The following COX10 variants were observed in gnomAD, a reference collection of about 807,000 sequenced individuals.
The protein encoded by COX10 is protoheme IX farnesyltransferase, mitochondrial.
A neutral mutation model predicts 37.3 loss-of-function variants in COX10; 27 were observed. The ratio of observed to expected loss-of-function variants is 0.72; its 90% CI spans 0.53 to 1.00. The LOEUF is 1.00. COX10 is among the 50% of genes least tolerant of loss of function. COX10 has a pLI of 0.00. For missense variants in COX10, 475 were observed against 563.2 expected (o/e 0.84, Z 1.59); for synonymous variants, 222 against 229.1 (o/e 0.97, Z 0.28).
chr17:14,101,195 A>T (rs887167204), intron 3 of COX10, among the ~76,000 whole-genome samples: 17 of 152,192 alleles, frequency 1.1e-4, no homozygotes, highest in Admixed American at 1.3e-4. Flanking sequence ...TTGGTTGAAG[A>T]ATCTAGGTAG....
chr17:14,076,830 A>T lies in COX10; in HGVS notation c.273A>T (p.Gln91His), dbSNP rs757788008. The T allele has an allele frequency of 1.2e-6, 2 of 1,614,210 alleles. No homozygotes were observed. The highest frequency in any genetic ancestry group is 2.2e-5 in the South Asian group (2 of 91,080). ...TCCTTGAAAAAACATCTTCAGGTCAAGCCAAAGCAGAAATATATGAGATGA... is the reference window on the plus strand; with the variant it reads ...TCCTTGAAAAAACATCTTCAGGTCATGCCAAAGCAGAAATATATGAGATGA... Reference protein sequence around the residue: ...SPFLEKTSSGQAKAEIYEMRP... With the variant: ...SPFLEKTSSGHAKAEIYEMRP... Residue 91 changes from glutamine (Q) to histidine (H), a missense_variant, in exon 3 of 7, where the codon CAA (glutamine) becomes CAT (histidine). This residue lies in a region of COX10 where 242 missense variants were observed against 242.5 expected (regional missense o/e 1.00). Coordinates refer to ENST00000261643, the MANE Select transcript of COX10 (RefSeq NM_001303.4).
At chr17:14,166,674 C>T (rs954512916) in intron 5 of COX10, among the ~76,000 whole-genome samples, 2 of 141,958 alleles carry the variant, frequency 1.4e-5, no homozygotes, top group Admixed American at 7.4e-5. Flanking sequence ...TACGGTGGTG[C>T]GATCTCAGCT....
At position 14,069,550 on chromosome 17, in the gene COX10, T is replaced by C; in HGVS notation, c.-56T>C. The C allele has an allele frequency of 6.2e-7, 1 of 1,606,388 alleles. No homozygotes were observed. Among genetic ancestry groups the C allele is most frequent in the Non-Finnish European group, 8.5e-7 (1 of 1,174,816 alleles). ...GGAAGGAAGATGGCGGCGCCCAGCGTCCCGTGAGGAGAGAGGACACAGGGA... is the reference window on the plus strand; with the variant it reads ...GGAAGGAAGATGGCGGCGCCCAGCGCCCCGTGAGGAGAGAGGACACAGGGA... On this transcript the variant is annotated 5_prime_UTR_variant, in exon 1 of 7. Coordinates refer to ENST00000261643, the MANE Select transcript of COX10 (RefSeq NM_001303.4).
intron 4 of COX10, among the ~76,000 whole-genome samples, chr17:14,158,788 G>T (rs1231972784): frequency 1.3e-5 from 2 of 152,106 alleles, no homozygotes; most frequent in East Asian, 3.9e-4. Flanking sequence ...AGCATCTCCG[G>T]GGATGGTAAG....
At chr17:14,149,940 A>G (rs1904840517) in intron 4 of COX10, among the ~76,000 whole-genome samples, 3 of 152,116 alleles carry the variant, frequency 2.0e-5, no homozygotes, top group Non-Finnish European at 2.9e-5. Flanking sequence ...ACTGATTGGG[A>G]AGGGAGATGG....
chr17:14,082,824 G>C (rs1343626648), intron 3 of COX10, among the ~76,000 whole-genome samples: 1 of 152,186 alleles, frequency 6.6e-6, no homozygotes, highest in Non-Finnish European at 1.5e-5. Context: ...CAGTGATTCA[G>C]TTCCCCTAGG....
intron 4 of COX10, among the ~76,000 whole-genome samples, chr17:14,120,472 A>G (rs1365419305): frequency 2.0e-5 from 3 of 152,202 alleles, no homozygotes; most frequent in African/African-American, 7.2e-5. Flanking sequence ...AACGGAGGGC[A>G]TATTTCAAGG....
chr17:14,069,718 T>C, intron 1 of COX10, 70 bp downstream of exon 1: 1 of 1,593,274 alleles, frequency 6.3e-7, no homozygotes, highest in Non-Finnish European at 8.6e-7. Flanking sequence ...AGGCCGTGGT[T>C]CCGGCTGGCT....
intron 3 of COX10, among the ~76,000 whole-genome samples, chr17:14,086,488 G>A (rs562349325): frequency 1.1e-4 from 17 of 152,086 alleles, no homozygotes; most frequent in African/African-American, 3.4e-4. Context: ...ATGTTTATTC[G>A]GGGATGAATT....
intron 4 of COX10, among the ~76,000 whole-genome samples, chr17:14,105,277 T>C (rs1458002436): frequency 6.6e-6 from 1 of 152,152 alleles, no homozygotes; most frequent in Non-Finnish European, 1.5e-5. Context: ...TTTATGGATA[T>C]GCCTCAACTT....
chr17:14,140,245 A>T (rs1443656896), intron 4 of COX10, among the ~76,000 whole-genome samples: 1 of 152,116 alleles, frequency 6.6e-6, no homozygotes, highest in African/African-American at 2.4e-5. Context: ...GATTTTTTTG[A>T]CAAGAGAACA....
At chr17:14,165,753 C>T (rs963335432) in intron 5 of COX10, among the ~76,000 whole-genome samples, 1 of 152,272 alleles carries the variant, frequency 6.6e-6, no homozygotes, top group Non-Finnish European at 1.5e-5. Flanking sequence ...CACCAAACAG[C>T]CATGTTGTGA....
intron 6 of COX10, among the ~76,000 whole-genome samples, chr17:14,194,626 C>T (rs1417091288): frequency 1.3e-5 from 2 of 152,120 alleles, no homozygotes; most frequent in Non-Finnish European, 2.9e-5. Context: ...GGGGTTTCAC[C>T]ATATTGGCCA....
chr17:14,083,022 C>A (rs1597493671), intron 3 of COX10, among the ~76,000 whole-genome samples: 1 of 152,204 alleles, frequency 6.6e-6, no homozygotes, highest in Non-Finnish European at 1.5e-5. Context: ...GAGCCGGTCA[C>A]TACCACTGGC....
At chr17:14,137,823 C>T (rs1904419327) in intron 4 of COX10, among the ~76,000 whole-genome samples, 1 of 151,954 alleles carries the variant, frequency 6.6e-6, no homozygotes, top group South Asian at 2.1e-4. Context: ...GTCTTCATGT[C>T]CTTCAACACT....
At chr17:14,089,581 T>C (rs1915480492) in intron 3 of COX10, among the ~76,000 whole-genome samples, 1 of 152,216 alleles carries the variant, frequency 6.6e-6, no homozygotes, top group Non-Finnish European at 1.5e-5. Flanking sequence ...GTTGAAGAAG[T>C]TGAAGAACAC....
intron 4 of COX10, among the ~76,000 whole-genome samples, chr17:14,115,263 G>A: frequency 6.6e-6 from 1 of 152,086 alleles, no homozygotes; most frequent in Non-Finnish European, 1.5e-5. Flanking sequence ...TGGTCCTATT[G>A]TTTGTACACA....
At chr17:14,097,780 AT>A (rs1915681967) in intron 3 of COX10, among the ~76,000 whole-genome samples, 1 of 152,178 alleles carries the variant, frequency 6.6e-6, no homozygotes, top group South Asian at 2.1e-4. Flanking sequence ...ACTTAAAAAA[AT>A]TTGTTAAGCA....
Position 14,159,964 on chromosome 17 carries a change from A to G in COX10, c.695+17A>G. The stretch of plus-strand genomic sequence containing the variant: ...ACAGATCAGGTAAAATCACGAATAC[A>G]AGTGTCTTCCACATTATAAAACATT... On this transcript the variant is annotated intron_variant, in intron 5 of 6. Transcript: ENST00000261643. The G allele has an allele frequency of 6.2e-7, 1 of 1,602,572 alleles. No individual in the cohort carries two copies. The highest frequency in any genetic ancestry group is 8.5e-7 in the Non-Finnish European group (1 of 1,171,452).
Sources: allele counts gnomAD v4.1 joint callset (sites outside exome capture counted in the v4.1 genomes callset), GRCh38; gene constraint gnomAD v4.1.1; regional missense constraint gnomAD v4.1.1; transcripts MANE v1.5; gene names NCBI Gene and HGNC (gene_info 2026-07-23, HGNC 2026-07-21).